SYNJ1: variants seen among roughly 807,000 people sequenced by gnomAD.
SYNJ1 encodes polyphosphatidylinositol phosphatase SYNJ1.
Under a neutral mutation model 168.2 loss-of-function variants are expected in SYNJ1, and 78 were observed. The ratio of observed to expected loss-of-function variants is 0.46; its 90% CI spans 0.39 to 0.56. The LOEUF (loss-of-function observed/expected upper bound fraction) is 0.56. Ranked by LOEUF, SYNJ1 falls within the 20% of genes least tolerant of loss-of-function variation. SYNJ1 has a pLI of 0.00. For missense variants in SYNJ1, 1,303 were observed against 1,597.6 expected (o/e 0.82, Z 3.14); for synonymous variants, 539 against 548.6 (o/e 0.98, Z 0.24).
chr21:32,666,444 A>G lies in SYNJ1; in HGVS notation c.1941T>C (p.Ala647=). The G allele has an allele frequency of 6.2e-7, 1 of 1,613,892 alleles. No individual in the cohort carries two copies. Among genetic ancestry groups the G allele is most frequent in the Non-Finnish European group, 8.5e-7 (1 of 1,179,918 alleles). Residue 647 remains alanine, a synonymous_variant, in exon 16 of 33, where the codon GCT becomes GCC. Transcript: ENST00000674351. ...CLFVFIRPQH[A]PFIRDVAVDT... is the part of the protein sequence containing the mutation. ...TTCTGTTTACTGACCTGATAAAAGG[A>G]GCATGCTGTGGTCTGATAAAAACAA...
In SYNJ1 at chr21:32,645,783, G is replaced by A; in HGVS notation, c.3254C>T (p.Pro1085Leu). 2 of 1,477,622 alleles carry A rather than the reference G, an allele frequency of 1.4e-6. No homozygotes were observed. Among genetic ancestry groups the A allele is most frequent in the Non-Finnish European group, 1.8e-6 (2 of 1,111,716 alleles). 91.5% of individuals were successfully genotyped at this position (1,477,622 alleles called of 1,614,324 possible). A position where few individuals can be genotyped will look rare whatever the true frequency, so the allele number is the denominator to read the frequency against. Reference protein sequence around the residue: ...TPGPPSAQSSPIDAQPATPLP... With the variant: ...TPGPPSAQSSLIDAQPATPLP... Reference sequence around the variant, plus strand: ...CGGCGTTGCTGGCTGCGCGTCAATAGGAGAACCTAAAAAGCGCACAGGAGG... The same window carrying A: ...CGGCGTTGCTGGCTGCGCGTCAATAAGAGAACCTAAAAAGCGCACAGGAGG... The change falls in exon 25 of 33, where the codon CCT (proline) becomes CTT (leucine). Residue 1085 changes from proline to leucine, a missense_variant. By Grantham distance (98) the Pro-to-Leu change is moderately conservative. Transcript: ENST00000674351.
At chr21:32,666,234 A>T in intron 16 of SYNJ1, 99 bp from the exon 17 acceptor site, 1 of 1,450,430 alleles carries the variant, frequency 6.9e-7, no homozygotes, top group Non-Finnish European at 9.3e-7. Flanking sequence ...TACACATGGT[A>T]TGGTACTTTG....
intron 14 of SYNJ1, among the ~76,000 whole-genome samples, chr21:32,672,449 C>G (rs2041242508): frequency 1.3e-5 from 2 of 151,818 alleles, no homozygotes; most frequent in African/African-American, 2.4e-5. Context: ...AAACATTTCT[C>G]CTGCCTCAGC....
At chr21:32,652,514 G>T (rs1013070335) in intron 22 of SYNJ1, among the ~76,000 whole-genome samples, 1 of 152,168 alleles carries the variant, frequency 6.6e-6, no homozygotes, top group East Asian at 1.9e-4. Flanking sequence ...TACATACAAA[G>T]AATTTTTTTT....
chr21:32,691,274 G>A (rs2146134444), intron 6 of SYNJ1, among the ~76,000 whole-genome samples: 1 of 152,266 alleles, frequency 6.6e-6, no homozygotes, highest in Non-Finnish European at 1.5e-5. Flanking sequence ...TTACTTAAAA[G>A]TGTGTAGCAC....
chr21:32,701,822 A>G, intron 3 of SYNJ1, 139 bp downstream of exon 3: 1 of 576,780 alleles, frequency 1.7e-6, no homozygotes, highest in South Asian at 4.7e-5. Context: ...TATTAGCTAC[A>G]TTAATGTTTA....
rs780616248 is a variant in SYNJ1 at position 32,656,680 on chromosome 21, A to G, written c.2795+7T>C. On this transcript the variant is annotated splice_region_variant and intron_variant, in intron 21 of 32. Coordinates refer to ENST00000674351, the MANE Select transcript of SYNJ1 (RefSeq NM_203446.3). Reference sequence around the variant, plus strand: ...CACAAGCTACTTTTGCATAATAAACATCTTACCTTATAAGTATAACTTCAC... The same window carrying G: ...CACAAGCTACTTTTGCATAATAAACGTCTTACCTTATAAGTATAACTTCAC... 39 of 1,608,000 alleles carry G rather than the reference A, an allele frequency of 2.4e-5. No homozygotes were observed. Among genetic ancestry groups the G allele is most frequent in the Non-Finnish European group, 3.1e-5 (37 of 1,176,554 alleles).
intron 2 of SYNJ1, among the ~76,000 whole-genome samples, chr21:32,715,231 G>T (rs1055132493): frequency 3.3e-5 from 5 of 152,300 alleles, no homozygotes; most frequent in Admixed American, 2.0e-4. Context: ...CCAGCATTTT[G>T]GGGAGCTGAG....
chr21:32,725,650 G>C (rs1254923978), intron 2 of SYNJ1, among the ~76,000 whole-genome samples: 1 of 152,020 alleles, frequency 6.6e-6, no homozygotes, highest in East Asian at 1.9e-4. Context: ...CAAAGAGTGA[G>C]GTCTTATGCT....
rs766131314 is a variant in SYNJ1 at position 32,695,034 on chromosome 21, G to T, written c.705+23C>A. 10 of 1,582,506 alleles carry T rather than the reference G, an allele frequency of 6.3e-6. No homozygotes were observed. The East Asian group carries it at 1.6e-4, about 25-fold the overall frequency. On this transcript the variant is annotated intron_variant, in intron 5 of 32. Transcript: ENST00000674351. ...GCTTCTCCTATAATAAATTAATTAA[G>T]TAATATAAAACACTATATATACCTG...
intron 2 of SYNJ1, among the ~76,000 whole-genome samples, chr21:32,721,696 A>G (rs561347343): frequency 6.6e-6 from 1 of 152,236 alleles, no homozygotes; most frequent in African/African-American, 2.4e-5. Context: ...AAAAAAAAGT[A>G]ATTTTGAAAC....
At chr21:32,706,529 A>C (rs1218773322) in intron 2 of SYNJ1, among the ~76,000 whole-genome samples, 1 of 151,998 alleles carries the variant, frequency 6.6e-6, no homozygotes, top group Non-Finnish European at 1.5e-5. Flanking sequence ...AGAGGAAAAA[A>C]AGTTATTTGT....
intron 1 of SYNJ1, among the ~76,000 whole-genome samples, chr21:32,727,227 A>G (rs189398186): frequency 6.6e-6 from 1 of 152,278 alleles, no homozygotes; most frequent in Admixed American, 6.5e-5. Flanking sequence ...TTTTGAGCGT[A>G]TTTCGTCCGG....
chr21:32,714,130 T>C (rs2042938190), intron 2 of SYNJ1, among the ~76,000 whole-genome samples: 1 of 152,180 alleles, frequency 6.6e-6, no homozygotes, highest in Non-Finnish European at 1.5e-5. Flanking sequence ...AAAAATACAT[T>C]TGAGCAGACG....
At chr21:32,634,126 G>C (rs2039459210) in intron 32 of SYNJ1, among the ~76,000 whole-genome samples, 1 of 152,164 alleles carries the variant, frequency 6.6e-6, no homozygotes, top group Non-Finnish European at 1.5e-5. Flanking sequence ...GCTTAGAACA[G>C]AAGTCACCTG....
At chr21:32,697,268 A>G (rs1016883686) in intron 4 of SYNJ1, among the ~76,000 whole-genome samples, 1 of 152,214 alleles carries the variant, frequency 6.6e-6, no homozygotes, top group African/African-American at 2.4e-5. Context: ...ACATGGTTGT[A>G]TCCTGGAAAA....
intron 5 of SYNJ1, 76 bp downstream of exon 5, chr21:32,694,980 TA>T: frequency 7.4e-7 from 1 of 1,350,374 alleles, no homozygotes; most frequent in Non-Finnish European, 1.0e-6. Flanking sequence ...CCGAATCAAA[TA>T]AAAATCTGTT....
rs2041285874 is a variant in SYNJ1, at chr21:32,673,551, A to G, written c.1535-20T>C. The G allele has an allele frequency of 1.3e-6, 2 of 1,564,086 alleles. No homozygotes were observed. The highest frequency in any genetic ancestry group is 1.4e-5 in the African/African-American group (1 of 72,722). ...AAGATGCTAATCAAGAGAAGACACA[A>G]TAGAATTTTAGCTGCATCAAACCAT... On this transcript the variant is annotated intron_variant, in intron 13 of 32. Transcript: ENST00000674351.
At chr21:32,713,468 G>T (rs112066883) in intron 2 of SYNJ1, among the ~76,000 whole-genome samples, 1 of 48,216 alleles carries the variant, frequency 2.1e-5, no homozygotes, top group Non-Finnish European at 3.9e-5. Context: ...TTTCCCATAT[G>T]TCAACATGGA....
Sources: allele counts gnomAD v4.1 joint callset (sites outside exome capture counted in the v4.1 genomes callset), GRCh38; gene constraint gnomAD v4.1.1; transcripts MANE v1.5; gene names NCBI Gene and HGNC (gene_info 2026-07-23, HGNC 2026-07-21).